ROBO2: variants seen among roughly 807,000 people sequenced by gnomAD.
ROBO2 encodes roundabout homolog 2.
In ROBO2, 53 loss-of-function variants were observed where a neutral mutation model predicts 160.8. The ratio of observed to expected loss-of-function variants is 0.33; its 90% CI spans 0.26 to 0.41. The LOEUF (loss-of-function observed/expected upper bound fraction) is 0.41. ROBO2 is among the 10% of genes least tolerant of loss of function. The pLI, the probability that ROBO2 is intolerant of heterozygous loss-of-function variation, is 1.00. For synonymous variants in ROBO2, 664 were observed against 611.7 expected (o/e 1.09, Z -1.26); for missense variants, 1,577 against 1,722.4 (o/e 0.92, Z 1.49).
chr3:76,787,328 C>CCACACACACACACACA (rs60806662), intron 2 of ROBO2, among the ~76,000 whole-genome samples: 15 of 142,260 alleles, frequency 1.1e-4, no homozygotes, highest in South Asian at 4.6e-4. Flanking sequence ...TGTAAACACA[C>CCACACACACACACACA]CACACACACA....
chr3:76,118,984 G>T (rs901730106), intron 2 of ROBO2, among the ~76,000 whole-genome samples: 1 of 152,100 alleles, frequency 6.6e-6, no homozygotes, highest in Admixed American at 6.6e-5. Context: ...AAATCATCTA[G>T]CTGTAGGTAA....
At chr3:77,396,824 G>GCACT (rs1231879951) in intron 2 of ROBO2, among the ~76,000 whole-genome samples, 2 of 152,016 alleles carry the variant, frequency 1.3e-5, no homozygotes, top group Non-Finnish European at 2.9e-5. Flanking sequence ...GAAAAGGAAG[G>GCACT]CACTTATGTG....
intron 2 of ROBO2, among the ~76,000 whole-genome samples, chr3:76,528,281 C>T (rs980496594): frequency 1.3e-5 from 2 of 151,928 alleles, no homozygotes; most frequent in East Asian, 1.9e-4. Flanking sequence ...TGAGGTTCAG[C>T]GTGAGATGTA....
intron 7 of ROBO2, among the ~76,000 whole-genome samples, chr3:77,549,094 G>T (rs1226300862): frequency 1.3e-5 from 2 of 151,894 alleles, no homozygotes; most frequent in African/African-American, 4.8e-5. Context: ...GAGCTGTGAA[G>T]TTCCCGGTTT....
chr3:77,543,237 T>C (rs149825497), intron 6 of ROBO2, among the ~76,000 whole-genome samples: 2,523 of 152,250 alleles, frequency 0.017, 76 homozygotes, highest in African/African-American at 0.056. Flanking sequence ...TCTGTTTTCA[T>C]TGAAAAAAAT....
At chr3:76,498,595 T>C (rs1294595798) in intron 2 of ROBO2, among the ~76,000 whole-genome samples, 1 of 151,890 alleles carries the variant, frequency 6.6e-6, no homozygotes, top group Non-Finnish European at 1.5e-5. Context: ...TAAAAATTTA[T>C]TAATTAAAGA....
chr3:76,701,205 A>G (rs1448779670), intron 2 of ROBO2, among the ~76,000 whole-genome samples: 1 of 152,106 alleles, frequency 6.6e-6, no homozygotes, highest in Non-Finnish European at 1.5e-5. Flanking sequence ...TAGGTTTGAG[A>G]TATTTGTTGA....
At chr3:76,899,405 A>G (rs1460698492) in intron 2 of ROBO2, among the ~76,000 whole-genome samples, 1 of 152,162 alleles carries the variant, frequency 6.6e-6, no homozygotes, top group Non-Finnish European at 1.5e-5. Context: ...ATACCATTGG[A>G]TTTAAATATG....
rs1222289913 is a variant in ROBO2 at position 75,963,978 on chromosome 3, A to G, written c.109+26376A>G. Among the ~76,000 whole-genome samples the G allele has an allele frequency of 5.3e-5, 8 of 151,918 alleles. No homozygotes were observed. In the East Asian group the frequency reaches 1.4e-3, roughly 26 times the overall value. ...AAATCATCCGAATATGGTTACTTTCAGAAATACTAGGCTTTAGAATTTCAC... is the reference window on the plus strand; with the variant it reads ...AAATCATCCGAATATGGTTACTTTCGGAAATACTAGGCTTTAGAATTTCAC... On this transcript the variant is annotated intron_variant, in intron 2 of 26. Coordinates refer to the ROBO2 transcript ENST00000487694.
chr3:77,240,400 G>A (rs1485476911), intron 2 of ROBO2, among the ~76,000 whole-genome samples: 2 of 152,102 alleles, frequency 1.3e-5, no homozygotes, highest in African/African-American at 4.8e-5. Flanking sequence ...CCGAGCCCAC[G>A]CCCACCCGGA....
intron 2 of ROBO2, among the ~76,000 whole-genome samples, chr3:76,504,006 G>A (rs533691217): frequency 3.2e-4 from 49 of 152,192 alleles, no homozygotes; most frequent in Admixed American, 8.5e-4. Flanking sequence ...GCTCTTTCTC[G>A]TGTAAAATGA....
At chr3:75,951,532 C>CAT (rs1428351741) in intron 2 of ROBO2, among the ~76,000 whole-genome samples, 2 of 151,846 alleles carry the variant, frequency 1.3e-5, no homozygotes, top group East Asian at 1.9e-4. Flanking sequence ...ATCGGAATGC[C>CAT]ATATATATAT....
At chr3:77,639,283 G>A (rs1410912125) in intron 24 of ROBO2, among the ~76,000 whole-genome samples, 2 of 152,090 alleles carry the variant, frequency 1.3e-5, no homozygotes, top group African/African-American at 4.8e-5. Flanking sequence ...TAGACAATGG[G>A]AGCCAAACAG....
intron 2 of ROBO2, among the ~76,000 whole-genome samples, chr3:76,875,859 G>T (rs1471259690): frequency 6.6e-6 from 1 of 151,862 alleles, no homozygotes; most frequent in Non-Finnish European, 1.5e-5. Context: ...TCACCATGTT[G>T]ACCAGGCTGG....
intron 2 of ROBO2, among the ~76,000 whole-genome samples, chr3:76,963,347 A>G (rs2079809904): frequency 6.6e-6 from 1 of 152,190 alleles, no homozygotes; most frequent in Admixed American, 6.5e-5. Context: ...ATAGAAAATA[A>G]TACAGAAATA....
chr3:77,597,689 AT>A (rs1171234625), intron 19 of ROBO2, among the ~76,000 whole-genome samples: 3 of 146,794 alleles, frequency 2.0e-5, no homozygotes, highest in East Asian at 4.0e-4. Flanking sequence ...CCTGAAGCAA[AT>A]TTAAAAATGA....
At chr3:76,725,063 T>C (rs750765393) in intron 2 of ROBO2, among the ~76,000 whole-genome samples, 12 of 152,174 alleles carry the variant, frequency 7.9e-5, no homozygotes, top group Non-Finnish European at 1.0e-4. Context: ...TCAGTAATAC[T>C]GATTTCAGAC....
chr3:77,249,080 G>A (rs994988911), intron 2 of ROBO2, among the ~76,000 whole-genome samples: 4 of 151,962 alleles, frequency 2.6e-5, no homozygotes, highest in African/African-American at 9.7e-5. Flanking sequence ...TCAAACTCCC[G>A]ACCTCAGGTG....
intron 2 of ROBO2, among the ~76,000 whole-genome samples, chr3:76,978,940 T>TTC (rs1339019949): frequency 1.3e-5 from 2 of 150,588 alleles, no homozygotes; most frequent in African/African-American, 4.9e-5. Context: ...GTTTGTTTGT[T>TTC]TTTTAAAAAA....
Sources: gnomAD v4.1 joint callset for allele counts (sites outside exome capture counted in the v4.1 genomes callset) on GRCh38, gnomAD v4.1.1 for gene constraint, MANE v1.5 for transcripts, NCBI Gene and HGNC (gene_info 2026-07-23, HGNC 2026-07-21) for gene names.